The following VWCE variants were observed in gnomAD, a reference collection of about 807,000 sequenced individuals.
VWCE encodes the protein von Willebrand factor C and EGF domain-containing protein.
Under a neutral mutation model 102.9 loss-of-function variants are expected in VWCE, and 68 were observed. That is an observed-to-expected ratio of 0.66 (90% CI 0.54 to 0.81). The LOEUF (loss-of-function observed/expected upper bound fraction) is 0.81, where lower values mean the gene tolerates loss of function less well. Ranked by LOEUF, VWCE falls within the 30% of genes least tolerant of loss-of-function variation. The probability of loss-of-function intolerance (pLI) is 0.00; values close to 1 mark genes in which losing one functional copy is unlikely to be tolerated. For synonymous variants in VWCE, 497 were observed against 515.4 expected, an observed-to-expected ratio of 0.96 and a Z score of 0.48; for missense variants, 1,137 against 1,263.6, an observed-to-expected ratio of 0.90 and a Z score of 1.52.
Position 61,266,010 on chromosome 11 carries a change from C to T in VWCE, c.1966-798G>A, listed in dbSNP as rs927779300. Among the ~76,000 whole-genome samples, 6 of 151,574 alleles carry T rather than the reference C, an allele frequency of 4.0e-5. 1 individual carries two copies. The South Asian group carries it at 1.2e-3, about 32-fold the overall frequency. ...GCAGTGAGCCAAGATTGTGCCACTG[C>T]ACTCCAGCCTGGCGACAGAGTGAGA... On this transcript the variant is annotated intron_variant, in intron 16 of 19. Transcript: ENST00000335613.
chr11:61,278,155 C>A (rs2134798458), intron 10 of VWCE, among the ~76,000 whole-genome samples: 1 of 152,292 alleles, frequency 6.6e-6, no homozygotes, highest in South Asian at 2.1e-4. Context: ...ACAGACGGAC[C>A]CTGTGTGCCT....
rs1855151176 is a variant in VWCE at position 61,281,873 on chromosome 11, G to T, written c.700C>A (p.His234Asn). 5.6e-6 allele frequency: 9 copies of T among 1,613,916 alleles called. No homozygotes were observed. Among genetic ancestry groups the T allele is most frequent in the Non-Finnish European group, 6.8e-6 (8 of 1,179,886 alleles). ...CRRPLERRVC[H>N]HSCHNTVGSF... The stretch of plus-strand genomic sequence containing the variant: ...CCCACGGTGTTGTGGCAGGAATGGT[G>T]ACAGACTCGCCTCTCCAATGGCCTC... Residue 234 changes from histidine to asparagine, a missense_variant, in exon 7 of 20, where the codon CAC becomes AAC. By Grantham distance (68) the His-to-Asn change is moderately conservative. This residue lies in a region of VWCE where 575 missense variants were observed against 625.9 expected (regional missense o/e 0.92). Transcript: ENST00000335613.
Position 61,281,350 on chromosome 11 carries a change from G to A in VWCE, c.788-115C>T. ...AGTCCCTGTTCACCCCCCGTGGTCTGCGCAACATTCTACTATGTTTATGGG... is the reference window on the plus strand; with the variant it reads ...AGTCCCTGTTCACCCCCCGTGGTCTACGCAACATTCTACTATGTTTATGGG... On this transcript the variant is annotated intron_variant, in intron 7 of 19. Coordinates refer to ENST00000335613, the MANE Select transcript of VWCE (RefSeq NM_152718.2). 4.8e-6 allele frequency: 6 copies of A among 1,254,456 alleles called. No homozygotes were observed. In the South Asian group the frequency reaches 5.7e-5, roughly 12 times the overall value. 77.7% of individuals were successfully genotyped at this position (1,254,456 alleles called of 1,614,324 possible).
chr11:61,269,445 C>CTT (rs1244812610), intron 14 of VWCE: 32 of 150,390 alleles, frequency 2.1e-4, no homozygotes, highest in African/African-American at 6.0e-4. Flanking sequence ...AGGTTTCTTT[C>CTT]TTTTTTTTTT....
chr11:61,272,312 A>G (rs927354147), intron 13 of VWCE, among the ~76,000 whole-genome samples: 16 of 152,122 alleles, frequency 1.1e-4, no homozygotes, highest in Non-Finnish European at 1.8e-4. Flanking sequence ...ACACACACAC[A>G]CAGATACTAC....
At chr11:61,282,962 T>C (rs1855190169) in intron 5 of VWCE, 57 bp from the exon 6 acceptor site, 5 of 1,444,738 alleles carry the variant, frequency 3.5e-6, no homozygotes, top group Admixed American at 3.3e-5. Context: ...CTTGGAAATA[T>C]ATGGTCCCCT....
chr11:61,286,419 A>T lies in VWCE; in HGVS notation c.436T>A (p.Cys146Ser). The change falls in exon 5 of 20, where the codon TGT becomes AGT. Residue 146 changes from cysteine (C) to serine (S), a missense_variant. Cys to Ser is a moderately radical substitution (Grantham distance 112). Around this residue, in one of 5 missense-constraint regions of VWCE, gnomAD observed 575 missense variants for 625.9 expected, o/e 0.92. Coordinates refer to ENST00000335613, the MANE Select transcript of VWCE (RefSeq NM_152718.2). ...VGIRCTDIDE[C>S]VTSSCEGHCV... is the part of the protein sequence containing the mutation. ...TGGCCCTCGCAGGAGGAGGTTACACATTCGTCAATGTCTGGAAAGACAGAA... is the reference window on the plus strand; with the variant it reads ...TGGCCCTCGCAGGAGGAGGTTACACTTTCGTCAATGTCTGGAAAGACAGAA... 2 of 1,612,180 alleles carry T rather than the reference A, an allele frequency of 1.2e-6. No individual in the cohort carries two copies. The highest frequency in any genetic ancestry group is 1.7e-6 in the Non-Finnish European group (2 of 1,179,944).
rs141067625 is a variant in VWCE, at chr11:61,264,503, G to A, written c.2214C>T (p.Cys738=). 2 of 1,613,446 alleles carry A rather than the reference G, an allele frequency of 1.2e-6. No homozygotes were observed. Among genetic ancestry groups the A allele is most frequent in the Non-Finnish European group, 1.7e-6 (2 of 1,179,800 alleles). ...CCCACTTACCTGGACAGGAAGAGCA[G>A]CAGTCCCCAGGAAGCAGGGCAGGGT... ...CADPALLPGD[C]CSSCPDSLSP... Residue 738 remains cysteine (C), a synonymous_variant, in exon 19 of 20, where the codon TGC becomes TGT. Transcript: ENST00000335613.
rs1855193403 is a variant in VWCE at position 61,283,054 on chromosome 11, C to T, written c.542-149G>A. On this transcript the variant is annotated intron_variant, in intron 5 of 19. Transcript: ENST00000335613. ...TGCCCCTCTTCTGCACTGCCCACATCCAGTCCTAAATACTCTCTGGACCAG... is the reference window on the plus strand; with the variant it reads ...TGCCCCTCTTCTGCACTGCCCACATTCAGTCCTAAATACTCTCTGGACCAG... 8.4e-6 allele frequency: 6 copies of T among 717,316 alleles called. No homozygotes were observed. In the Admixed American group the frequency reaches 1.2e-4, roughly 14 times the overall value. 44.4% of individuals were successfully genotyped at this position (717,316 alleles called of 1,614,324 possible).
intron 1 of VWCE, among the ~76,000 whole-genome samples, chr11:61,293,097 C>A (rs1363124154): frequency 5.3e-5 from 8 of 152,008 alleles, no homozygotes; most frequent in Admixed American, 2.0e-4. Context: ...CAAAATTAGC[C>A]GGGCATGGTG....
At chr11:61,278,275 G>A (rs1167989478) in intron 10 of VWCE, 119 bp downstream of exon 10, 9 of 1,109,706 alleles carry the variant, frequency 8.1e-6, no homozygotes, top group East Asian at 2.4e-5. Context: ...TCCACAACCT[G>A]AGAATGTTCC....
At chr11:61,276,914 G>C (rs1458719754) in intron 10 of VWCE, among the ~76,000 whole-genome samples, 1 of 128,282 alleles carries the variant, frequency 7.8e-6, no homozygotes, top group Non-Finnish European at 1.7e-5. Context: ...AGAGGAGAAA[G>C]GGAGGAGGAG....
In VWCE at chr11:61,287,076, G is replaced by A. The variant is rs372658309; in HGVS notation, c.425-646C>T. On this transcript the variant is annotated intron_variant, in intron 4 of 19. Coordinates refer to ENST00000335613, the MANE Select transcript of VWCE (RefSeq NM_152718.2). ...CGCACCACTGCACTCCAGCCTGGGC[G>A]ACAGAGCGAGACTCCATCTCAAGAA... 1.6e-4 allele frequency among the ~76,000 whole-genome samples: 25 copies of A among 152,188 alleles called. No homozygotes were observed. The South Asian group carries it at 4.1e-3, about 25-fold the overall frequency.
intron 11 of VWCE, among the ~76,000 whole-genome samples, chr11:61,276,313 G>A (rs1204956500): frequency 1.3e-5 from 2 of 151,890 alleles, no homozygotes; most frequent in African/African-American, 4.8e-5. Flanking sequence ...TACTCCGGAG[G>A]CTCAGGCAGG....
At position 61,294,286 on chromosome 11, in the gene VWCE, C is replaced by T. The variant is rs1007095036; in HGVS notation, c.110+642G>A. ...CTGCGCGCCCCCCGGAGGACGTGGC[C>T]GCGGGCCAGGCCGCCTGCTGACACA... is the stretch of plus-strand genomic sequence containing the variant. On this transcript the variant is annotated intron_variant, in intron 1 of 19. Coordinates refer to ENST00000335613, the MANE Select transcript of VWCE (RefSeq NM_152718.2). The surrounding 1 kb of genome is among the most constrained non-coding windows in gnomAD (Gnocchi z 6.3). Among the ~76,000 whole-genome samples the T allele has an allele frequency of 6.6e-6, 1 of 152,158 alleles. No individual in the cohort carries two copies. Among genetic ancestry groups the T allele is most frequent in the Non-Finnish European group, 1.5e-5 (1 of 68,020 alleles).
rs1854800078 is a variant in VWCE, at chr11:61,273,425, GTGAAAC to G, written c.1582-115_1582-110del. On this transcript the variant is annotated intron_variant, in intron 12 of 19. Transcript: ENST00000335613. ...TGCCATCACCCTCCCGGCTACTCAA[GTGAAAC>G]TGACAAAGAAATCTACTAAAGTGAA... 16 of 1,022,144 alleles carry G rather than the reference GTGAAAC, an allele frequency of 1.6e-5. 3 individuals are homozygous for G. In the South Asian group the frequency reaches 2.6e-4, roughly 17 times the overall value. The allele number at this position is 1,022,144 out of a possible 1,614,324, so 63.3% of individuals were successfully genotyped here.
rs749634885 is a variant in VWCE, at chr11:61,291,290, T to A, written c.269A>T (p.Asp90Val). 4 of 1,602,584 alleles carry A rather than the reference T, an allele frequency of 2.5e-6. No individual in the cohort carries two copies. The highest frequency in any genetic ancestry group is 3.4e-6 in the Non-Finnish European group (4 of 1,173,572). ...CIAPNVCSCQ[D>V]GEQGATCPET... ...TGGGCAGGTGGCCCCTTGCTCTCCA[T>A]CCTGGCAGGAGCAGACATTGGGAGC... The change falls in exon 3 of 20, where the codon GAT becomes GTT. Residue 90 changes from aspartate (D) to valine (V), a missense_variant. Physicochemically the swap from Asp to Val is radical, Grantham distance 152 (BLOSUM62 -3). Around this residue, in one of 5 missense-constraint regions of VWCE, gnomAD observed 575 missense variants for 625.9 expected, o/e 0.92. Coordinates refer to ENST00000335613, the MANE Select transcript of VWCE (RefSeq NM_152718.2).
chr11:61,278,361 C>A, intron 10 of VWCE, 33 bp downstream of exon 10: 1 of 1,611,974 alleles, frequency 6.2e-7, no homozygotes, highest in Non-Finnish European at 8.5e-7. Context: ...TAAGAAAACA[C>A]CCACGAGGCT....
chr11:61,268,797 T>C (rs1854585789), intron 15 of VWCE, 125 bp downstream of exon 15: 1 of 901,436 alleles, frequency 1.1e-6, no homozygotes, highest in African/African-American at 1.7e-5. Flanking sequence ...AGTTTCCTTA[T>C]CTGTGCAATG....
Sources: gnomAD v4.1 joint callset for allele counts (sites outside exome capture counted in the v4.1 genomes callset) on GRCh38, gnomAD v4.1.1 for gene constraint, gnomAD v4.1.1 regional missense constraint, Gnocchi (gnomAD v3.1) non-coding constraint, MANE v1.5 for transcripts, NCBI Gene and HGNC (gene_info 2026-07-23, HGNC 2026-07-21) for gene names.